The following CACNA1C variants were observed in gnomAD, a reference collection of about 807,000 sequenced individuals.
The protein encoded by CACNA1C is voltage-dependent L-type calcium channel subunit alpha-1C.
In CACNA1C, 30 loss-of-function variants were observed where a neutral mutation model predicts 229.0. The ratio of observed to expected loss-of-function variants is 0.13; its 90% CI spans 0.10 to 0.18. The LOEUF is 0.18. Among genes scored for constraint, CACNA1C ranks in the 10% least tolerant of loss-of-function variants. CACNA1C has a pLI of 1.00. For synonymous variants in CACNA1C, 1,114 were observed against 1,132.5 expected, an observed-to-expected ratio of 0.98 and a Z score of 0.33; for missense variants, 1,658 against 2,845.0, an observed-to-expected ratio of 0.58 and a Z score of 9.49.
intron 3 of CACNA1C, among the ~76,000 whole-genome samples, chr12:2,176,279 C>T (rs910959887): frequency 5.3e-5 from 8 of 151,892 alleles, no homozygotes; most frequent in African/African-American, 1.7e-4. Flanking sequence ...GTGTGGAGCC[C>T]GTGTGGGGAA....
At chr12:2,424,678 G>C (rs1295118120) in intron 3 of CACNA1C, among the ~76,000 whole-genome samples, 2 of 152,180 alleles carry the variant, frequency 1.3e-5, no homozygotes, top group African/African-American at 4.8e-5. Flanking sequence ...AGCTTCAGCA[G>C]CTCCAGGACC....
At chr12:2,182,811 C>T (rs1439700532) in intron 3 of CACNA1C, among the ~76,000 whole-genome samples, 1 of 152,070 alleles carries the variant, frequency 6.6e-6, no homozygotes, top group East Asian at 1.9e-4. Flanking sequence ...CACACCCCAC[C>T]CTGCAGCGGC....
rs932996862 is a variant in CACNA1C, at chr12:2,689,003, G to A, written c.6117+224G>A. 3.9e-5 allele frequency among the ~76,000 whole-genome samples: 6 copies of A among 152,156 alleles called. No homozygotes were observed. Among genetic ancestry groups the A allele is most frequent in the African/African-American group, 9.7e-5 (4 of 41,430 alleles). ...TGAGGCTGGGCCCACTGCAGAGGGC[G>A]GCAGAAACCACTGAGCAACTTATCC... is the stretch of plus-strand genomic sequence containing the variant. On this transcript the variant is annotated intron_variant, in intron 46 of 46. Coordinates refer to ENST00000399655, the MANE Select transcript of CACNA1C (RefSeq NM_000719.7). This position sits in a 1 kb window ranked among gnomAD's most constrained non-coding sequence, Gnocchi z 4.2.
chr12:2,039,743 G>A (rs1178755840), intron 1 of CACNA1C, among the ~76,000 whole-genome samples: 1 of 152,186 alleles, frequency 6.6e-6, no homozygotes. Context: ...GCACACAGAT[G>A]CAAAGGATGG....
chr12:1,992,673 C>T (rs776388466), intron 1 of CACNA1C: 26 of 159,314 alleles, frequency 1.6e-4, no homozygotes, highest in Non-Finnish European at 3.2e-4. Context: ...ATGAGAAAGG[C>T]GATGGCTACT....
At position 2,696,206 on chromosome 12, in the gene CACNA1C, C is replaced by T. The variant is rs543503498; in HGVS notation, c.*5007C>T. Reference sequence around the variant, plus strand: ...GGGTATTAGAGAACTCTTCCAGTCACCTCTGAAAGCACTCTAGATCTTGCA... The same window carrying T: ...GGGTATTAGAGAACTCTTCCAGTCATCTCTGAAAGCACTCTAGATCTTGCA... On this transcript the variant is annotated 3_prime_UTR_variant, in exon 47 of 47. Transcript: ENST00000399655. 3 of 152,280 alleles carry T rather than the reference C, an allele frequency of 2.0e-5. No individual in the cohort carries two copies. In the South Asian group the frequency reaches 6.2e-4, roughly 32 times the overall value. The allele number at this position is 152,280 out of a possible 1,614,324, so 9.4% of individuals were successfully genotyped here. A position where few individuals can be genotyped will look rare whatever the true frequency, so the allele number is the denominator to read the frequency against.
intron 3 of CACNA1C, among the ~76,000 whole-genome samples, chr12:2,363,403 A>AACCAATTAG (rs1386708945): frequency 2.0e-5 from 3 of 152,242 alleles, no homozygotes; most frequent in Non-Finnish European, 4.4e-5. Context: ...GACCTGGCTC[A>AACCAATTAG]ACCAATTAGG....
chr12:2,042,241 T>C (rs766210830), intron 1 of CACNA1C, among the ~76,000 whole-genome samples: 3 of 152,144 alleles, frequency 2.0e-5, no homozygotes, highest in Non-Finnish European at 4.4e-5. Context: ...TACGATATAT[T>C]TTTATGCTGG....
intron 3 of CACNA1C, among the ~76,000 whole-genome samples, chr12:2,300,360 C>A (rs1191374798): frequency 2.0e-5 from 3 of 152,224 alleles, no homozygotes; most frequent in African/African-American, 4.8e-5. Context: ...CGGCTCATGC[C>A]TGTAATCCCA....
At chr12:2,360,896 G>A (rs2097541834) in intron 3 of CACNA1C, among the ~76,000 whole-genome samples, 2 of 151,830 alleles carry the variant, frequency 1.3e-5, no homozygotes, top group Admixed American at 6.6e-5. Context: ...AAAAATATAC[G>A]AATCCACTCG....
intron 10 of CACNA1C, chr12:2,550,404 C>A (rs1035811863): frequency 1.5e-5 from 9 of 592,318 alleles, no homozygotes; most frequent in African/African-American, 3.9e-5. Context: ...AAAGAGACAG[C>A]GAGGTTAGGG....
At chr12:2,607,667 G>A (rs375079944) in intron 26 of CACNA1C, among the ~76,000 whole-genome samples, 33 of 152,380 alleles carry the variant, frequency 2.2e-4, no homozygotes, top group Non-Finnish European at 1.0e-4. Flanking sequence ...GCGTTTGTGC[G>A]TAGAGCAGCC....
intron 46 of CACNA1C, 138 bp from the exon 47 acceptor site, chr12:2,690,762 A>G (rs770870907): frequency 2.0e-5 from 16 of 792,444 alleles, no homozygotes; most frequent in Non-Finnish European, 2.5e-5. Context: ...CTCCCAACAC[A>G]CACACGTACA....
chr12:2,538,484 T>G (rs996156294), intron 9 of CACNA1C, among the ~76,000 whole-genome samples: 1 of 152,196 alleles, frequency 6.6e-6, no homozygotes, highest in African/African-American at 2.4e-5. Flanking sequence ...TTTCCTCTTA[T>G]TCTACAACCT....
chr12:2,000,464 CTTAA>C (rs1180663231), intron 1 of CACNA1C, among the ~76,000 whole-genome samples: 1 of 147,856 alleles, frequency 6.8e-6, no homozygotes, highest in African/African-American at 2.5e-5. Flanking sequence ...ATTCTCTTTT[CTTAA>C]TTAAAAAAAA....
Position 2,691,410 on chromosome 12 carries a change from G to A in CACNA1C, c.*211G>A, listed in dbSNP as rs1160515060. 5 of 469,792 alleles carry A rather than the reference G, an allele frequency of 1.1e-5. No homozygotes were observed. The highest frequency in any genetic ancestry group is 4.3e-5 in the Admixed American group (1 of 23,394). 29.1% of individuals were successfully genotyped at this position (469,792 alleles called of 1,614,324 possible). ...GTCTGCAGAGGCGGGGAGAGGAGGCGGCGAGGGTCCCGGGGCGCGAGGAAG... is the reference window on the plus strand; with the variant it reads ...GTCTGCAGAGGCGGGGAGAGGAGGCAGCGAGGGTCCCGGGGCGCGAGGAAG... On this transcript the variant is annotated 3_prime_UTR_variant, in exon 47 of 47. Transcript: ENST00000399655.
intron 34 of CACNA1C, among the ~76,000 whole-genome samples, chr12:2,659,322 C>T (rs1174536553): frequency 6.6e-6 from 1 of 152,202 alleles, no homozygotes; most frequent in African/African-American, 2.4e-5. Flanking sequence ...CAAATACTTA[C>T]CATTGTGTTC....
At chr12:2,309,271 A>G (rs901034016) in intron 3 of CACNA1C, among the ~76,000 whole-genome samples, 5 of 152,200 alleles carry the variant, frequency 3.3e-5, no homozygotes, top group Non-Finnish European at 5.9e-5. Flanking sequence ...TCTCAATTGT[A>G]TGTGGAATCT....
At chr12:2,196,665 G>A (rs922452555) in intron 3 of CACNA1C, among the ~76,000 whole-genome samples, 1 of 152,242 alleles carries the variant, frequency 6.6e-6, no homozygotes, top group African/African-American at 2.4e-5. Flanking sequence ...GGCCTTCAGT[G>A]GTTCCAGCCA....
Sources: allele counts gnomAD v4.1 joint callset (sites outside exome capture counted in the v4.1 genomes callset), GRCh38; gene constraint gnomAD v4.1.1; non-coding constraint Gnocchi (gnomAD v3.1); transcripts MANE v1.5; gene names NCBI Gene and HGNC (gene_info 2026-07-23, HGNC 2026-07-21).